The following DUSP16 variants were observed in gnomAD, a reference collection of about 807,000 sequenced individuals.
DUSP16 encodes dual specificity phosphatase 16.
A neutral mutation model predicts 58.3 loss-of-function variants in DUSP16; 21 were observed. The ratio of observed to expected loss-of-function variants is 0.36; its 90% CI spans 0.26 to 0.52. The LOEUF is 0.52. DUSP16 is among the 20% of genes least tolerant of loss of function. DUSP16 has a pLI of 0.94. For synonymous variants in DUSP16, 320 were observed against 323.8 expected (o/e 0.99, Z 0.12); for missense variants, 726 against 819.0 (o/e 0.89, Z 1.39).
intron 4 of DUSP16, among the ~76,000 whole-genome samples, chr12:12,488,329 G>C (rs1943713543): frequency 6.6e-6 from 1 of 152,076 alleles, no homozygotes; most frequent in Admixed American, 6.5e-5. Context: ...TCCTTCCAAA[G>C]TACTTTGTTC....
Position 12,486,918 on chromosome 12 carries a change from A to G in DUSP16, c.691+110T>C, listed in dbSNP as rs1943693235. The stretch of plus-strand genomic sequence containing the variant: ...CACGTGCTGTTTTCAGACTTTTGAA[A>G]TCTCTGAAATAGGCTCCTTTTCTCT... On this transcript the variant is annotated intron_variant, in intron 5 of 6. Coordinates refer to ENST00000298573, the MANE Select transcript of DUSP16 (RefSeq NM_030640.3). 6.0e-6 allele frequency: 8 copies of G among 1,325,650 alleles called. No individual in the cohort carries two copies. The South Asian group carries it at 7.9e-5, about 13-fold the overall frequency. The allele number at this position is 1,325,650 out of a possible 1,614,324, so 82.1% of individuals were successfully genotyped here.
rs1944913752 is a variant in DUSP16, at chr12:12,562,139, A to T, written c.-388T>A. 6.6e-6 allele frequency: 1 copy of T among 151,432 alleles called. No individual in the cohort carries two copies. Among genetic ancestry groups the T allele is most frequent in the African/African-American group, 2.4e-5 (1 of 41,288 alleles). 9.4% of individuals were successfully genotyped at this position (151,432 alleles called of 1,614,324 possible). On this transcript the variant is annotated 5_prime_UTR_variant, in exon 1 of 7. It adds an upstream start codon to the 5' untranslated region. Coordinates refer to ENST00000298573, the MANE Select transcript of DUSP16 (RefSeq NM_030640.3). ...TACTTTTGGGGCCGCCGACCTCCCA[A>T]TTCCCTCAGAGGGAAACGAAAGTTG...
intron 3 of DUSP16, among the ~76,000 whole-genome samples, chr12:12,510,474 T>C (rs1237835168): frequency 1.3e-5 from 2 of 152,232 alleles, no homozygotes; most frequent in Non-Finnish European, 2.9e-5. Flanking sequence ...CACTTCTGTA[T>C]ATTCCACTCT....
rs1943488946 is a variant in DUSP16, at chr12:12,477,938, A to G, written c.893T>C (p.Ile298Thr). The G allele has an allele frequency of 6.2e-7, 1 of 1,614,162 alleles. No homozygotes were observed. The highest frequency in any genetic ancestry group is 8.5e-7 in the Non-Finnish European group (1 of 1,180,022). ...LGQLLDYEKK[I>T]KNQTGASGPK... ...CCCTGATGCTCCAGTCTGGTTCTTA[A>G]TCTTCTTCTCATAGTCCAGGAGTTG... Residue 298 changes from isoleucine (I) to threonine (T), a missense_variant, in exon 7 of 7, where the codon ATT (isoleucine) becomes ACT (threonine). Transcript: ENST00000298573. The surrounding 1 kb of genome is among the most constrained non-coding windows in gnomAD (Gnocchi z 4.1).
chr12:12,532,152 G>A (rs544158463), intron 1 of DUSP16, among the ~76,000 whole-genome samples: 8 of 150,614 alleles, frequency 5.3e-5, no homozygotes, highest in South Asian at 2.1e-4. Flanking sequence ...GCGACAGAGC[G>A]AGACTCCGTC....
chr12:12,527,110 T>C (rs1944318175), intron 1 of DUSP16, among the ~76,000 whole-genome samples: 2 of 152,142 alleles, frequency 1.3e-5, no homozygotes, highest in Admixed American at 1.3e-4. Context: ...AGAGCTCAAG[T>C]TCAAATTCTC....
chr12:12,482,769 C>T (rs942061721), intron 5 of DUSP16, among the ~76,000 whole-genome samples: 1 of 152,154 alleles, frequency 6.6e-6, no homozygotes, highest in African/African-American at 2.4e-5. Context: ...GGCTGGAGTG[C>T]CATAGTGCAA....
chr12:12,537,907 G>C (rs1416491073), intron 1 of DUSP16, among the ~76,000 whole-genome samples: 1 of 152,092 alleles, frequency 6.6e-6, no homozygotes, highest in Admixed American at 6.6e-5. Context: ...AATTAAATGA[G>C]TTAGTAGAAT....
At position 12,473,324 on chromosome 12, in the gene DUSP16, T is replaced by A. The variant is rs1943352447; in HGVS notation, c.*3509A>T. The stretch of plus-strand genomic sequence containing the variant: ...ATTGTAGTTGTCACATCCAAACCAG[T>A]CCTCCAACAATAGCCTGCTGAGGCT... On this transcript the variant is annotated 3_prime_UTR_variant, in exon 7 of 7. Transcript: ENST00000298573. 6.6e-6 allele frequency among the ~76,000 whole-genome samples: 1 copy of A among 152,094 alleles called. No homozygotes were observed. Among genetic ancestry groups the A allele is most frequent in the Non-Finnish European group, 1.5e-5 (1 of 68,036 alleles).
chr12:12,553,685 G>A (rs1244230632), intron 1 of DUSP16, among the ~76,000 whole-genome samples: 2 of 151,984 alleles, frequency 1.3e-5, no homozygotes, highest in African/African-American at 4.8e-5. Flanking sequence ...TGGGACTACA[G>A]GTGTGCACCA....
intron 4 of DUSP16, among the ~76,000 whole-genome samples, chr12:12,496,222 AG>A (rs2136207330): frequency 6.6e-6 from 1 of 152,306 alleles, no homozygotes; most frequent in South Asian, 2.1e-4. Flanking sequence ...TTCTACATAG[AG>A]TGACATCATA....
Position 12,477,192 on chromosome 12 carries a change from G to T in DUSP16, c.1639C>A (p.Gln547Lys). 3 of 1,614,168 alleles carry T rather than the reference G, an allele frequency of 1.9e-6. No individual in the cohort carries two copies. The highest frequency in any genetic ancestry group is 2.5e-6 in the Non-Finnish European group (3 of 1,180,006). Residue 547 changes from glutamine (Q) to lysine (K), a missense_variant, in exon 7 of 7, where the codon CAG (glutamine) becomes AAG (lysine). Gln to Lys is a moderately conservative substitution (Grantham distance 53). Coordinates refer to ENST00000298573, the MANE Select transcript of DUSP16 (RefSeq NM_030640.3). The surrounding 1 kb of genome is among the most constrained non-coding windows in gnomAD (Gnocchi z 4.1). ...KGWHSDILAP[Q>K]TSTPSLTSSW... ...CTGGTCAGGGAAGGGGTAGAGGTCTGGGGGGCCAAGATATCCGAGTGCCAG... is the reference window on the plus strand; with the variant it reads ...CTGGTCAGGGAAGGGGTAGAGGTCTTGGGGGCCAAGATATCCGAGTGCCAG...
chr12:12,545,155 TA>T (rs1309249399), intron 1 of DUSP16, among the ~76,000 whole-genome samples: 1 of 152,234 alleles, frequency 6.6e-6, no homozygotes, highest in East Asian at 1.9e-4. Flanking sequence ...CAGCATTTGA[TA>T]TTTTTTGATG....
chr12:12,524,078 G>A (rs1470420462), intron 1 of DUSP16, among the ~76,000 whole-genome samples: 1 of 152,192 alleles, frequency 6.6e-6, no homozygotes. Flanking sequence ...TGCAAAAGTT[G>A]AATTAGAAAG....
intron 3 of DUSP16, among the ~76,000 whole-genome samples, chr12:12,511,836 A>T (rs1274700697): frequency 6.6e-6 from 1 of 151,660 alleles, no homozygotes; most frequent in Non-Finnish European, 1.5e-5. Context: ...TGAGTGAGTG[A>T]AAGGGCTGAA....
chr12:12,479,231 G>A (rs1943516231), intron 6 of DUSP16, among the ~76,000 whole-genome samples: 1 of 151,974 alleles, frequency 6.6e-6, no homozygotes, highest in Non-Finnish European at 1.5e-5. Context: ...TTCAGGTGAT[G>A]GAGGAGTAGA....
At chr12:12,560,564 CCTA>C in intron 1 of DUSP16, among the ~76,000 whole-genome samples, 1 of 152,248 alleles carries the variant, frequency 6.6e-6, no homozygotes, top group East Asian at 1.9e-4. Flanking sequence ...TTTCACCGTG[CCTA>C]CTCACATTTT....
At chr12:12,513,018 T>G (rs1944100496) in intron 3 of DUSP16, among the ~76,000 whole-genome samples, 2 of 152,214 alleles carry the variant, frequency 1.3e-5, no homozygotes, top group South Asian at 2.1e-4. Flanking sequence ...AAGTATACAT[T>G]TATTACACAG....
intron 1 of DUSP16, among the ~76,000 whole-genome samples, chr12:12,545,101 T>C (rs1186684081): frequency 6.6e-6 from 1 of 152,248 alleles, no homozygotes; most frequent in African/African-American, 2.4e-5. Flanking sequence ...TCAACTTATA[T>C]AAACTTCTGT....
Sources: gnomAD v4.1 joint callset for allele counts (sites outside exome capture counted in the v4.1 genomes callset) on GRCh38, gnomAD v4.1.1 for gene constraint, Gnocchi (gnomAD v3.1) non-coding constraint, MANE v1.5 for transcripts, NCBI Gene and HGNC (gene_info 2026-07-23, HGNC 2026-07-21) for gene names.